EYA2: variants seen among roughly 807,000 people sequenced by gnomAD.
EYA2 encodes EYA transcriptional coactivator and phosphatase 2.
In EYA2, 31 loss-of-function variants were observed where a neutral mutation model predicts 69.2. The observed-to-expected ratio is 0.45, with a 90% CI of 0.34 to 0.60. The LOEUF (loss-of-function observed/expected upper bound fraction) is 0.60, where lower values mean the gene tolerates loss of function less well. EYA2 is among the 20% of genes least tolerant of loss of function. The probability of loss-of-function intolerance (pLI) is 0.02; values close to 1 mark genes in which losing one functional copy is unlikely to be tolerated. For missense variants in EYA2, 622 were observed against 701.2 expected, an observed-to-expected ratio of 0.89 and a Z score of 1.28; for synonymous variants, 257 against 279.4, an observed-to-expected ratio of 0.92 and a Z score of 0.80.
intron 7 of EYA2, among the ~76,000 whole-genome samples, chr20:47,076,169 C>G (rs1344038090): frequency 6.6e-6 from 1 of 152,210 alleles, no homozygotes; most frequent in Non-Finnish European, 1.5e-5. Context: ...CATACACATG[C>G]ATGTGTCTTT....
intron 9 of EYA2, among the ~76,000 whole-genome samples, chr20:47,114,211 C>A (rs187898958): frequency 7.2e-5 from 11 of 152,340 alleles, no homozygotes; most frequent in Admixed American, 7.2e-4. Flanking sequence ...CTGAGGCTCA[C>A]CTCGCTGAAG....
At chr20:47,154,364 A>G (rs1473069689) in intron 10 of EYA2, among the ~76,000 whole-genome samples, 1 of 152,020 alleles carries the variant, frequency 6.6e-6, no homozygotes, top group Non-Finnish European at 1.5e-5. Context: ...ACAGCCACAT[A>G]GGGAGGTTAG....
At chr20:46,930,191 C>T (rs545768834) in intron 1 of EYA2, among the ~76,000 whole-genome samples, 2 of 152,204 alleles carry the variant, frequency 1.3e-5, no homozygotes, top group South Asian at 2.1e-4. Flanking sequence ...TGAGATTTTG[C>T]ATAAGTATCA....
chr20:47,169,245 A>T (rs1360631666), intron 11 of EYA2, 48 bp downstream of exon 11: 3 of 1,558,248 alleles, frequency 1.9e-6, no homozygotes, highest in South Asian at 1.1e-5. Context: ...TTGATTGATT[A>T]TCAAGTTATC....
At chr20:47,162,337 C>T (rs1485587268) in intron 10 of EYA2, among the ~76,000 whole-genome samples, 1 of 152,104 alleles carries the variant, frequency 6.6e-6, no homozygotes, top group African/African-American at 2.4e-5. Context: ...CTCCTAGTTT[C>T]CCACTACATA....
chr20:47,124,688 G>A (rs1169028956), intron 9 of EYA2, among the ~76,000 whole-genome samples: 3 of 152,110 alleles, frequency 2.0e-5, no homozygotes, highest in Non-Finnish European at 4.4e-5. Context: ...CCCACTTGTA[G>A]CACTGGAAGT....
intron 1 of EYA2, among the ~76,000 whole-genome samples, chr20:46,942,652 G>C (rs897331194): frequency 1.3e-5 from 2 of 152,182 alleles, no homozygotes; most frequent in Non-Finnish European, 2.9e-5. Flanking sequence ...TGACTCTCCT[G>C]TGTGACTTGG....
At chr20:47,115,579 C>T (rs1007920636) in intron 9 of EYA2, among the ~76,000 whole-genome samples, 6 of 152,094 alleles carry the variant, frequency 3.9e-5, no homozygotes, top group Admixed American at 6.6e-5. Context: ...CTGTGTCTGT[C>T]TCTTGAATCC....
chr20:47,011,045 T>A (rs1983027137), intron 4 of EYA2, among the ~76,000 whole-genome samples: 1 of 152,132 alleles, frequency 6.6e-6, no homozygotes, highest in Non-Finnish European at 1.5e-5. Context: ...TGCCTCAGCA[T>A]CCCAAAGTGC....
At chr20:47,063,338 C>T (rs1267888694) in intron 5 of EYA2, among the ~76,000 whole-genome samples, 1 of 150,812 alleles carries the variant, frequency 6.6e-6, no homozygotes, top group Non-Finnish European at 1.5e-5. Flanking sequence ...GTATGTCTGA[C>T]TTATTTTATT....
intron 9 of EYA2, among the ~76,000 whole-genome samples, chr20:47,135,148 A>G (rs1348895268): frequency 1.3e-5 from 2 of 150,806 alleles, no homozygotes; most frequent in Non-Finnish European, 2.9e-5. Context: ...AAAAAAAAAA[A>G]ACAGACAACA....
At chr20:46,956,749 T>G (rs1456393853) in intron 1 of EYA2, among the ~76,000 whole-genome samples, 1 of 152,196 alleles carries the variant, frequency 6.6e-6, no homozygotes, top group Non-Finnish European at 1.5e-5. Context: ...CCTGCCTGTA[T>G]TAGTCTGTTC....
intron 1 of EYA2, among the ~76,000 whole-genome samples, chr20:46,987,014 T>C (rs139007985): frequency 5.9e-5 from 9 of 152,310 alleles, no homozygotes; most frequent in Admixed American, 1.3e-4. Context: ...AGGGCTTTCT[T>C]ATTTAAAAAT....
In EYA2 at chr20:47,188,459, G is replaced by T. The variant is rs2034691846; in HGVS notation, c.*326G>T. The T allele has an allele frequency of 7.3e-6, 4 of 545,490 alleles. No homozygotes were observed. The South Asian group carries it at 1.2e-4, about 17-fold the overall frequency. The allele number at this position is 545,490 out of a possible 1,614,324, so 33.8% of individuals were successfully genotyped here. A position where few individuals can be genotyped will look rare whatever the true frequency, so the allele number is the denominator to read the frequency against. ...CTGGTGATGAGGAGGGGATGGGTTT[G>T]TCTTGTCTTCTTTTTAATTTATGGA... On this transcript the variant is annotated 3_prime_UTR_variant, in exon 16 of 16. Coordinates refer to ENST00000327619, the MANE Select transcript of EYA2 (RefSeq NM_005244.5).
chr20:47,132,106 G>A (rs540549575), intron 9 of EYA2, among the ~76,000 whole-genome samples: 4 of 152,058 alleles, frequency 2.6e-5, no homozygotes, highest in East Asian at 3.9e-4. Flanking sequence ...ACACCACCAC[G>A]CCCAGCTAAT....
chr20:47,035,125 C>A (rs1197842907), intron 5 of EYA2, among the ~76,000 whole-genome samples: 1 of 152,206 alleles, frequency 6.6e-6, no homozygotes, highest in Non-Finnish European at 1.5e-5. Context: ...CAACCAGGGT[C>A]CCTGGCTGAG....
intron 9 of EYA2, among the ~76,000 whole-genome samples, chr20:47,129,745 C>T (rs138331668): frequency 6.8e-4 from 103 of 152,298 alleles, no homozygotes; most frequent in African/African-American, 1.9e-3. Context: ...CACCGCCCCC[C>T]TCTCTTGGTG....
intron 6 of EYA2, among the ~76,000 whole-genome samples, chr20:47,073,327 T>C (rs1285397837): frequency 6.6e-6 from 1 of 152,292 alleles, no homozygotes; most frequent in South Asian, 2.1e-4. Flanking sequence ...TTGGCAGCTA[T>C]TGAATTGATC....
intron 5 of EYA2, among the ~76,000 whole-genome samples, chr20:47,038,588 G>A (rs182888682): frequency 0.015 from 2,351 of 152,326 alleles, 61 homozygotes; most frequent in African/African-American, 0.052. Context: ...AGGGGTCTGT[G>A]TGTGTGTGTG....
Sources: gnomAD v4.1 joint callset for allele counts (sites outside exome capture counted in the v4.1 genomes callset) on GRCh38, gnomAD v4.1.1 for gene constraint, MANE v1.5 for transcripts, NCBI Gene and HGNC (gene_info 2026-07-23, HGNC 2026-07-21) for gene names.